Variants in PRB4 observed in about 807,000 individuals in gnomAD.
The protein encoded by PRB4 is basic salivary proline-rich protein 4.
Under a neutral mutation model 9.1 loss-of-function variants are expected in PRB4, and 14 were observed. That is an observed-to-expected ratio of 1.54 (90% CI 1.02 to 2.41). The LOEUF is 2.41. Among genes scored for constraint, PRB4 ranks in the 30% most tolerant of loss-of-function variants. The pLI is 0.00. For missense variants in PRB4, 381 were observed against 299.3 expected, an observed-to-expected ratio of 1.27 and a Z score of -2.02; for synonymous variants, 102 against 108.5, an observed-to-expected ratio of 0.94 and a Z score of 0.37.
intron 2 of PRB4, 102 bp from the exon 3 acceptor site, chr12:11,308,984 C>G: frequency 6.6e-7 from 1 of 1,516,578 alleles, no homozygotes; most frequent in South Asian, 1.1e-5. Flanking sequence ...GACCCAGATA[C>G]TAATTTCTTT....
Position 11,308,289 on chromosome 12 carries a change from G to C in PRB4, c.694C>G (p.Gln232Glu). 6 of 1,608,974 alleles carry C rather than the reference G, an allele frequency of 3.7e-6. No homozygotes were observed. Among genetic ancestry groups the C allele is most frequent in the Non-Finnish European group, 5.1e-6 (6 of 1,177,702 alleles). ...GKPQGPPPPP[Q>E]GGRPPRPAQG... ...GCAGGTCTGGGTGGCCTGCCCCCTT[G>C]AGGAGGTGGAGGTGGCCCCTGGGGC... Residue 232 changes from glutamine (Q) to glutamate (E), a missense_variant, in exon 3 of 4, where the codon CAA becomes GAA. This residue lies in a region of PRB4 where 204 missense variants were observed against 134.4 expected (regional missense o/e 1.52). Transcript: ENST00000279575.
At position 11,310,340 on chromosome 12, in the gene PRB4, C is replaced by G. The variant is rs1863024809; in HGVS notation, c.59G>C (p.Ser20Thr). 1 of 1,614,242 alleles carries G rather than the reference C, an allele frequency of 6.2e-7. No homozygotes were observed. ...TTTTCCCCCTTCTGTTTTACCTTCA[C>G]TTGAACTCTCAGCTGAGCTCAGGGC... ...LLALSSAESS[S>T]EDVSQEESLF... Residue 20 changes from serine to threonine, a missense_variant, in exon 1 of 4, where the codon AGT (serine) becomes ACT (threonine). Around this residue, in one of 3 missense-constraint regions of PRB4, gnomAD observed 151 missense variants for 105.8 expected, o/e 1.43. Transcript: ENST00000279575.
rs375789062 is a variant in PRB4 at position 11,310,369 on chromosome 12, C to T, written c.30G>A (p.Leu10=). MLLILLSVA[L]LALSSAESSS... The stretch of plus-strand genomic sequence containing the variant: ...AACTCTCAGCTGAGCTCAGGGCCAG[C>T]AGGGCCACTGACAGCAGAATCAGCA... The change falls in exon 1 of 4, where the codon CTG becomes CTA. Residue 10 remains leucine, a synonymous_variant. Transcript: ENST00000279575. The T allele has an allele frequency of 6.2e-7, 1 of 1,614,238 alleles. No individual in the cohort carries two copies. The highest frequency in any genetic ancestry group is 1.3e-5 in the African/African-American group (1 of 75,054).
At chr12:11,309,459 TCA>T (rs1403868903) in intron 1 of PRB4, 54 bp from the exon 2 acceptor site, 2 of 1,613,666 alleles carry the variant, frequency 1.2e-6, no homozygotes, top group African/African-American at 2.7e-5. Flanking sequence ...TCTTCAAGAC[TCA>T]CAAGTGTTCT....
At position 11,308,250 on chromosome 12, in the gene PRB4, G is replaced by A. The variant is rs906184873; in HGVS notation, c.733C>T (p.Pro245Ser). The A allele has an allele frequency of 3.1e-6, 5 of 1,610,704 alleles. No homozygotes were observed. The highest frequency in any genetic ancestry group is 1.3e-5 in the African/African-American group (1 of 74,916). ...RPPRPAQGQQ[P>S]PQ is the part of the protein sequence containing the mutation. Reference sequence around the variant, plus strand: ...CATTGAATCCTAGATTACTGGGGAGGCTGTTGTCCCTGGGCAGGTCTGGGT... The same window carrying A: ...CATTGAATCCTAGATTACTGGGGAGACTGTTGTCCCTGGGCAGGTCTGGGT... Residue 245 changes from proline to serine, a missense_variant, in exon 3 of 4, where the codon CCT becomes TCT. Around this residue, in one of 3 missense-constraint regions of PRB4, gnomAD observed 204 missense variants for 134.4 expected, o/e 1.52. Coordinates refer to ENST00000279575, the MANE Select transcript of PRB4 (RefSeq NM_002723.6).
chr12:11,307,432 C>G (rs571019605), intron 3 of PRB4, among the ~76,000 whole-genome samples: 1 of 152,030 alleles, frequency 6.6e-6, no homozygotes, highest in Non-Finnish European at 1.5e-5. Context: ...GATTGGTTAA[C>G]GAAATCATGG....
At chr12:11,309,550 A>C in intron 1 of PRB4, 145 bp from the exon 2 acceptor site, 1 of 1,484,670 alleles carries the variant, frequency 6.7e-7, no homozygotes, top group Non-Finnish European at 9.3e-7. Flanking sequence ...AAGGTGCTGG[A>C]AGGGGTGGAA....
rs1862929032 is a variant in PRB4 at position 11,307,128 on chromosome 12, A to G, written c.*90T>C. The G allele has an allele frequency of 6.5e-6, 1 of 154,478 alleles. No homozygotes were observed. Among genetic ancestry groups the G allele is most frequent in the Admixed American group, 6.5e-5 (1 of 15,280 alleles). 9.6% of individuals were successfully genotyped at this position (154,478 alleles called of 1,614,324 possible). ...GTATATTAAAGTTAGAGCTATGATG[A>G]CCTTGTTCCAATGTCACGGCATTTG... On this transcript the variant is annotated 3_prime_UTR_variant, in exon 4 of 4. Coordinates refer to ENST00000279575, the MANE Select transcript of PRB4 (RefSeq NM_002723.6).
chr12:11,308,312 G>A lies in PRB4; in HGVS notation c.671C>T (p.Pro224Leu). 1 of 1,610,512 alleles carries A rather than the reference G, an allele frequency of 6.2e-7. No individual in the cohort carries two copies. Among genetic ancestry groups the A allele is most frequent in the Non-Finnish European group, 8.5e-7 (1 of 1,178,114 alleles). The part of the protein sequence containing the change: ...QQPQAPPAGK[P>L]QGPPPPPQGG... ...TTGAGGAGGTGGAGGTGGCCCCTGGGGCTTTCCAGCAGGAGGTGCCTGAGG... is the reference window on the plus strand; with the variant it reads ...TTGAGGAGGTGGAGGTGGCCCCTGGAGCTTTCCAGCAGGAGGTGCCTGAGG... The change falls in exon 3 of 4, where the codon CCC (proline) becomes CTC (leucine). Residue 224 changes from proline (P) to leucine (L), a missense_variant. This residue lies in a region of PRB4 where 204 missense variants were observed against 134.4 expected (regional missense o/e 1.52). Coordinates refer to ENST00000279575, the MANE Select transcript of PRB4 (RefSeq NM_002723.6).
rs77775235 is a variant in PRB4 at position 11,308,838 on chromosome 12, G to A, written c.145C>T (p.Arg49Cys). 23 of 1,543,910 alleles carry A rather than the reference G, an allele frequency of 1.5e-5. No individual in the cohort carries two copies. Among genetic ancestry groups the A allele is most frequent in the Middle Eastern group, 1.7e-4 (1 of 5,784 alleles). Residue 49 changes from arginine (R) to cysteine (C), a missense_variant, in exon 3 of 4, where the codon CGT becomes TGT. Coordinates refer to ENST00000279575, the MANE Select transcript of PRB4 (RefSeq NM_002723.6). ...GGCTTTCCTGGAGGAGGTGGGGGAC[G>A]TTGGGGCTGGTTTCCTCCTTGTGGG... is the stretch of plus-strand genomic sequence containing the variant. ...RRPQGGNQPQ[R>C]PPPPPGKPQG...
chr12:11,309,531 C>A (rs1004473037), intron 1 of PRB4, 126 bp from the exon 2 acceptor site: 127 of 1,573,060 alleles, frequency 8.1e-5, no homozygotes, highest in Non-Finnish European at 9.9e-5. Context: ...TCATCAGCCA[C>A]CATCTGTGAA....
chr12:11,309,608 G>A (rs373756790), intron 1 of PRB4, among the ~76,000 whole-genome samples: 57 of 152,272 alleles, frequency 3.7e-4, no homozygotes, highest in African/African-American at 9.1e-4. Flanking sequence ...ACAGCAATGA[G>A]TTCAACATAG....
rs1862964435 is a variant in PRB4 at position 11,308,470 on chromosome 12, G to T, written c.513C>A (p.Asn171Lys). 1 of 1,613,702 alleles carries T rather than the reference G, an allele frequency of 6.2e-7. No homozygotes were observed. The highest frequency in any genetic ancestry group is 8.5e-7 in the Non-Finnish European group (1 of 1,179,916). Residue 171 changes from asparagine (N) to lysine (K), a missense_variant, in exon 3 of 4, where the codon AAC becomes AAA. Coordinates refer to ENST00000279575, the MANE Select transcript of PRB4 (RefSeq NM_002723.6). ...KPEGPPPQEGNKSRSARSPPG... is the reference protein window; with the variant it reads ...KPEGPPPQEGKKSRSARSPPG... ...GAGGAGATCGGGCACTTCGGGACTT[G>T]TTTCCTTCCTGTGGGGGTGGTCCTT... is the stretch of plus-strand genomic sequence containing the variant.
At position 11,308,370 on chromosome 12, in the gene PRB4, C is replaced by A. The variant is rs1378800761; in HGVS notation, c.613G>T (p.Gly205Cys). The A allele has an allele frequency of 1.3e-6, 2 of 1,599,408 alleles. No individual in the cohort carries two copies. The highest frequency in any genetic ancestry group is 1.7e-6 in the Non-Finnish European group (2 of 1,168,512). Reference protein sequence around the residue: ...QGPPPPGKPQGPPPAGGNPQQ... With the variant: ...QGPPPPGKPQCPPPAGGNPQQ... ...GGATTGCCTCCTGCTGGGGGTGGGCCTTGTGGCTTTCCAGGAGGTGGGGGA... is the reference window on the plus strand; with the variant it reads ...GGATTGCCTCCTGCTGGGGGTGGGCATTGTGGCTTTCCAGGAGGTGGGGGA... Residue 205 changes from glycine (G) to cysteine (C), a missense_variant, in exon 3 of 4, where the codon GGC becomes TGC. Transcript: ENST00000279575.
rs145076112 is a variant in PRB4, at chr12:11,308,880, T to C, written c.103A>G (p.Lys35Glu). ...CCTTGTGGGCGTCGTCCTTCTGGCT[T>C]TCCTGGAGGAGGTGGGGGACATACG... Reference protein sequence around the residue: ...QEESLFLISGKPEGRRPQGGN... With the variant: ...QEESLFLISGEPEGRRPQGGN... The change falls in exon 3 of 4, where the codon AAG (lysine) becomes GAG (glutamate). Residue 35 changes from lysine (K) to glutamate (E), a missense_variant and splice_region_variant. Lys to Glu is a moderately conservative substitution (Grantham distance 56, BLOSUM62 1). Coordinates refer to ENST00000279575, the MANE Select transcript of PRB4 (RefSeq NM_002723.6). 1.2e-5 allele frequency: 19 copies of C among 1,583,092 alleles called. No homozygotes were observed. In the African/African-American group the frequency reaches 2.3e-4, roughly 19 times the overall value.
rs1391701635 is a variant in PRB4, at chr12:11,308,421, G to T, written c.562C>A (p.Gln188Lys). The change falls in exon 3 of 4, where the codon CAA becomes AAA. Residue 188 changes from glutamine (Q) to lysine (K), a missense_variant. Physicochemically the swap from Gln to Lys is moderately conservative, Grantham distance 53. Around this residue, in one of 3 missense-constraint regions of PRB4, gnomAD observed 204 missense variants for 134.4 expected, o/e 1.52. Transcript: ENST00000279575. Reference sequence around the variant, plus strand: ...CCTTGAGGCTTGTTGCCTTCTTGTTGGGGTGGTCCTTGTGGCTTTCCTGGA... The same window carrying T: ...CCTTGAGGCTTGTTGCCTTCTTGTTTGGGTGGTCCTTGTGGCTTTCCTGGA... ...SPPGKPQGPP[Q>K]QEGNKPQGPP... The T allele has an allele frequency of 1.9e-6, 3 of 1,613,770 alleles. No homozygotes were observed. Among genetic ancestry groups the T allele is most frequent in the South Asian group, 2.2e-5 (2 of 91,066 alleles).
Position 11,308,289 on chromosome 12 carries a change from G to T in PRB4, c.694C>A (p.Gln232Lys). Residue 232 changes from glutamine to lysine, a missense_variant, in exon 3 of 4, where the codon CAA becomes AAA. By Grantham distance (53) the Gln-to-Lys change is moderately conservative. Around this residue, in one of 3 missense-constraint regions of PRB4, gnomAD observed 204 missense variants for 134.4 expected, o/e 1.52. Coordinates refer to ENST00000279575, the MANE Select transcript of PRB4 (RefSeq NM_002723.6). ...GKPQGPPPPP[Q>K]GGRPPRPAQG... is the part of the protein sequence containing the mutation. ...GCAGGTCTGGGTGGCCTGCCCCCTT[G>T]AGGAGGTGGAGGTGGCCCCTGGGGC... The T allele has an allele frequency of 1.2e-6, 2 of 1,608,974 alleles. No individual in the cohort carries two copies. Among genetic ancestry groups the T allele is most frequent in the Non-Finnish European group, 1.7e-6 (2 of 1,177,702 alleles).
intron 3 of PRB4, among the ~76,000 whole-genome samples, chr12:11,307,529 G>A (rs970966263): frequency 3.3e-5 from 5 of 152,082 alleles, no homozygotes; most frequent in African/African-American, 1.2e-4. Flanking sequence ...AACTGATGTG[G>A]AAATTTTAAA....
chr12:11,309,724 A>G (rs940227154), intron 1 of PRB4, among the ~76,000 whole-genome samples: 1 of 152,164 alleles, frequency 6.6e-6, no homozygotes, highest in African/African-American at 2.4e-5. Flanking sequence ...TATGCCCTCC[A>G]TCTCCTGTTA....
Sources: allele counts gnomAD v4.1 joint callset (sites outside exome capture counted in the v4.1 genomes callset), GRCh38; gene constraint gnomAD v4.1.1; regional missense constraint gnomAD v4.1.1; transcripts MANE v1.5; gene names NCBI Gene and HGNC (gene_info 2026-07-23, HGNC 2026-07-21).